Variants in PCDH9 observed in about 807,000 individuals in gnomAD.
PCDH9 encodes the protein protocadherin 9.
Under a neutral mutation model 70.6 loss-of-function variants are expected in PCDH9, and 24 were observed. The ratio of observed to expected loss-of-function variants is 0.34; its 90% CI spans 0.25 to 0.48. PCDH9 has a LOEUF of 0.48. Among genes scored for constraint, PCDH9 ranks in the 20% least tolerant of loss-of-function variants. The pLI, the probability that PCDH9 is intolerant of heterozygous loss-of-function variation, is 0.99. For missense variants in PCDH9, 1,281 were observed against 1,503.6 expected (o/e 0.85, Z 2.45); for synonymous variants, 562 against 558.5 (o/e 1.01, Z -0.09).
At chr13:66,663,963 A>G (rs1333653942) in intron 3 of PCDH9, among the ~76,000 whole-genome samples, 2 of 152,182 alleles carry the variant, frequency 1.3e-5, no homozygotes, top group Non-Finnish European at 2.9e-5. Flanking sequence ...TGCTTGGCTG[A>G]GCATCATGGA....
At chr13:66,738,261 A>G (rs892372076) in intron 3 of PCDH9, among the ~76,000 whole-genome samples, 3 of 151,098 alleles carry the variant, frequency 2.0e-5, no homozygotes, top group African/African-American at 7.3e-5. Flanking sequence ...GGGTATTCCA[A>G]CAGACCTGCA....
chr13:67,214,935 G>GATATATATATATATATAT (rs66460017), intron 2 of PCDH9: 2,887 of 88,922 alleles, frequency 0.032, 855 homozygotes, highest in Middle Eastern at 0.087. Flanking sequence ...TTGCGAGCCA[G>GATATATATATATATATAT]ATATATATAT....
chr13:66,382,860 G>C (rs1046278969), intron 4 of PCDH9, among the ~76,000 whole-genome samples: 1 of 152,064 alleles, frequency 6.6e-6, no homozygotes, highest in Non-Finnish European at 1.5e-5. Context: ...GTGAAACTCT[G>C]TCACTACTAA....
intron 4 of PCDH9, among the ~76,000 whole-genome samples, chr13:66,614,107 G>T (rs1052779989): frequency 6.6e-6 from 1 of 152,152 alleles, no homozygotes; most frequent in African/African-American, 2.4e-5. Context: ...AAAATTGCTA[G>T]GAGTTAATTT....
At chr13:66,479,648 G>C (rs537847106) in intron 4 of PCDH9, among the ~76,000 whole-genome samples, 2 of 151,334 alleles carry the variant, frequency 1.3e-5, no homozygotes, top group Non-Finnish European at 3.0e-5. Context: ...GATTGTAAAT[G>C]CACCAATCAG....
At chr13:67,214,257 TTCAA>T (rs1204636306) in intron 2 of PCDH9, 1 of 152,340 alleles carries the variant, frequency 6.6e-6, no homozygotes, top group South Asian at 2.1e-4. Context: ...CTACCATGAA[TTCAA>T]TCAATCTCAG....
chr13:66,765,188 C>T (rs1222555575), intron 3 of PCDH9, among the ~76,000 whole-genome samples: 1 of 151,672 alleles, frequency 6.6e-6, no homozygotes, highest in Non-Finnish European at 1.5e-5. Flanking sequence ...TAATCGAATC[C>T]ATTACCAAGG....
chr13:66,610,765 AT>A (rs1458198745), intron 4 of PCDH9, among the ~76,000 whole-genome samples: 1 of 152,060 alleles, frequency 6.6e-6, no homozygotes, highest in African/African-American at 2.4e-5. Flanking sequence ...ACGTAAAAAT[AT>A]TTTTTTCCTA....
chr13:67,229,570 T>C (rs2089962114), intron 1 of PCDH9, among the ~76,000 whole-genome samples: 1 of 152,208 alleles, frequency 6.6e-6, no homozygotes, highest in South Asian at 2.1e-4. Context: ...GACTGGTCAG[T>C]TCTCAGGCTC....
chr13:66,545,238 A>T (rs1961134786), intron 4 of PCDH9, among the ~76,000 whole-genome samples: 1 of 152,192 alleles, frequency 6.6e-6, no homozygotes, highest in African/African-American at 2.4e-5. Context: ...TGCATTGAGA[A>T]ATCTACATAT....
chr13:66,665,187 A>G (rs1444806000), intron 3 of PCDH9, among the ~76,000 whole-genome samples: 1 of 150,746 alleles, frequency 6.6e-6, no homozygotes, highest in Non-Finnish European at 1.5e-5. Context: ...CCTCACTACA[A>G]CTTCCACCTC....
intron 4 of PCDH9, among the ~76,000 whole-genome samples, chr13:66,509,417 G>T (rs1037106982): frequency 2.6e-5 from 4 of 151,964 alleles, no homozygotes; most frequent in African/African-American, 7.3e-5. Context: ...AAATACAGAT[G>T]GCCTAGTCAA....
At chr13:66,774,067 C>A (rs1046258005) in intron 3 of PCDH9, among the ~76,000 whole-genome samples, 1 of 152,244 alleles carries the variant, frequency 6.6e-6, no homozygotes, top group Admixed American at 6.5e-5. Flanking sequence ...TATGAGCCAC[C>A]GCACCCAGCC....
intron 2 of PCDH9, among the ~76,000 whole-genome samples, chr13:67,169,649 C>A (rs2088221848): frequency 6.6e-6 from 1 of 152,154 alleles, no homozygotes. Flanking sequence ...TCAATGTCAA[C>A]TCATATAGAA....
intron 4 of PCDH9, among the ~76,000 whole-genome samples, chr13:66,604,035 T>C (rs2077193472): frequency 6.6e-6 from 1 of 152,024 alleles, no homozygotes; most frequent in Non-Finnish European, 1.5e-5. Flanking sequence ...CAAGTAAATA[T>C]GCTTTTTATG....
intron 3 of PCDH9, among the ~76,000 whole-genome samples, chr13:66,746,479 CCAGA>C (rs1300198344): frequency 6.6e-6 from 1 of 151,788 alleles, no homozygotes; most frequent in African/African-American, 2.4e-5. Flanking sequence ...AGGCAGATAA[CCAGA>C]CAGAGAACTA....
chr13:66,759,260 G>GT (rs553118766), intron 3 of PCDH9, among the ~76,000 whole-genome samples: 21 of 151,614 alleles, frequency 1.4e-4, no homozygotes, highest in East Asian at 5.8e-4. Flanking sequence ...TCATTTTACA[G>GT]TTTTTTTTAC....
Position 66,935,079 on chromosome 13 carries a change from T to A in PCDH9, c.3037-31474A>T, listed in dbSNP as rs1331643559. Among the ~76,000 whole-genome samples, 3 of 151,994 alleles carry A rather than the reference T, an allele frequency of 2.0e-5. No homozygotes were observed. The East Asian group carries it at 5.8e-4, about 29-fold the overall frequency. On this transcript the variant is annotated intron_variant, in intron 2 of 4. Coordinates refer to ENST00000377865, the MANE Select transcript of PCDH9 (RefSeq NM_203487.3). ...TTTTTAAATTAATTATTAATATTTT[T>A]TGGAGACGGGGTCTCAATCTCTCCC...
intron 4 of PCDH9, among the ~76,000 whole-genome samples, chr13:66,629,789 T>A (rs2077545986): frequency 6.6e-6 from 1 of 152,180 alleles, no homozygotes; most frequent in Admixed American, 6.5e-5. Flanking sequence ...TTTGCATGCC[T>A]TATATTTGCC....
Sources: allele counts gnomAD v4.1 joint callset (sites outside exome capture counted in the v4.1 genomes callset), GRCh38; gene constraint gnomAD v4.1.1; transcripts MANE v1.5; gene names NCBI Gene and HGNC (gene_info 2026-07-23, HGNC 2026-07-21).